RASGRF1: variants seen among roughly 807,000 people sequenced by gnomAD.
RASGRF1 encodes ras-specific guanine nucleotide-releasing factor 1.
In RASGRF1, 40 loss-of-function variants were observed where a neutral mutation model predicts 138.7. That is an observed-to-expected ratio of 0.29 (90% CI 0.22 to 0.38). The LOEUF is 0.38. Ranked by LOEUF, RASGRF1 falls within the 10% of genes least tolerant of loss-of-function variation. The pLI is 1.00. For synonymous variants in RASGRF1, 614 were observed against 663.2 expected (o/e 0.93, Z 1.14); for missense variants, 1,108 against 1,650.4 (o/e 0.67, Z 5.69).
In RASGRF1 at chr15:79,050,127, T is replaced by C. The variant is rs2057410609; in HGVS notation, c.532-539A>G. On this transcript the variant is annotated intron_variant, in intron 3 of 26. Transcript: ENST00000558480. The surrounding 1 kb of genome is among the most constrained non-coding windows in gnomAD (Gnocchi z 4.1). Reference sequence around the variant, plus strand: ...ACTCTTCATTTTGTAAAACTGAAACTCTGTACTCATCAAACAATAACTCTC... The same window carrying C: ...ACTCTTCATTTTGTAAAACTGAAACCCTGTACTCATCAAACAATAACTCTC... Among the ~76,000 whole-genome samples, 1 of 152,208 alleles carries C rather than the reference T, an allele frequency of 6.6e-6. No individual in the cohort carries two copies. Among genetic ancestry groups the C allele is most frequent in the African/African-American group, 2.4e-5 (1 of 41,436 alleles).
intron 26 of RASGRF1, among the ~76,000 whole-genome samples, chr15:78,969,835 C>G (rs187401491): frequency 7.2e-4 from 109 of 152,190 alleles, no homozygotes; most frequent in African/African-American, 2.4e-3. Flanking sequence ...AACACAAGCT[C>G]GTGAGGGCCA....
chr15:79,024,080 CCACACATACAT>C (rs1188830342), intron 10 of RASGRF1, among the ~76,000 whole-genome samples: 4 of 150,504 alleles, frequency 2.7e-5, no homozygotes, highest in African/African-American at 2.5e-5. Flanking sequence ...CATATACACA[CCACACATACAT>C]CACACATACA....
At chr15:79,082,353 G>C (rs1595978027) in intron 1 of RASGRF1, among the ~76,000 whole-genome samples, 1 of 152,318 alleles carries the variant, frequency 6.6e-6, no homozygotes, top group East Asian at 1.9e-4. Flanking sequence ...TGAGACATCT[G>C]TCACACTCCT....
intron 22 of RASGRF1, among the ~76,000 whole-genome samples, chr15:78,988,982 C>A (rs1287347676): frequency 6.6e-6 from 1 of 152,054 alleles, no homozygotes; most frequent in Admixed American, 6.6e-5. Context: ...GTGAGGACAG[C>A]CCCCATCTTT....
At chr15:79,053,509 T>C (rs2057460718) in intron 3 of RASGRF1, among the ~76,000 whole-genome samples, 1 of 152,204 alleles carries the variant, frequency 6.6e-6, no homozygotes, top group Admixed American at 6.5e-5. Flanking sequence ...AAACTGAGCA[T>C]TCTAGAGGAG....
intron 4 of RASGRF1, 84 bp downstream of exon 4, chr15:79,049,412 G>T (rs1282764006): frequency 3.1e-6 from 4 of 1,275,394 alleles, no homozygotes; most frequent in Non-Finnish European, 4.5e-6. Context: ...GGACAGTGGG[G>T]CTGTGGTGTG....
intron 1 of RASGRF1, among the ~76,000 whole-genome samples, chr15:79,070,639 TG>T (rs2141077006): frequency 6.6e-6 from 1 of 152,326 alleles, no homozygotes; most frequent in African/African-American, 2.4e-5. Context: ...ATCTACAAAA[TG>T]GGCATAAGAA....
intron 5 of RASGRF1, among the ~76,000 whole-genome samples, chr15:79,036,914 C>G (rs1402377456): frequency 1.8e-4 from 27 of 152,054 alleles, no homozygotes; most frequent in Non-Finnish European, 4.4e-5. Flanking sequence ...TGAGAAAGAC[C>G]GAAACCAATG....
chr15:79,088,949 T>A (rs1431591183), intron 1 of RASGRF1, among the ~76,000 whole-genome samples: 2 of 152,168 alleles, frequency 1.3e-5, no homozygotes, highest in Non-Finnish European at 2.9e-5. Context: ...AACTATCTCC[T>A]AACACCCATT....
rs577564095 is a variant in RASGRF1, at chr15:78,976,831, A to G, written c.3495-3411T>C. Reference sequence around the variant, plus strand: ...TCCAGTCTTGCCCTTGGCAGGGCCTATCAAGCAGAGCTGATACGGGGGTGG... The same window carrying G: ...TCCAGTCTTGCCCTTGGCAGGGCCTGTCAAGCAGAGCTGATACGGGGGTGG... On this transcript the variant is annotated intron_variant, in intron 24 of 26. Transcript: ENST00000558480. Among the ~76,000 whole-genome samples the G allele has an allele frequency of 3.3e-5, 5 of 152,344 alleles. No homozygotes were observed. In the East Asian group the frequency reaches 7.7e-4, roughly 24 times the overall value.
chr15:79,030,657 C>T (rs925665022), intron 8 of RASGRF1, among the ~76,000 whole-genome samples: 8 of 152,324 alleles, frequency 5.3e-5, no homozygotes, highest in East Asian at 1.9e-4. Context: ...ATGGCACCTC[C>T]GCCCTCTGGT....
chr15:78,971,706 T>C (rs1231021482), intron 26 of RASGRF1, among the ~76,000 whole-genome samples, 160 bp downstream of exon 26: 2 of 152,012 alleles, frequency 1.3e-5, no homozygotes, highest in Non-Finnish European at 2.9e-5. Flanking sequence ...TTTGAAGAAA[T>C]AGGGACTAGG....
At chr15:79,068,800 C>G (rs2057715898) in intron 1 of RASGRF1, among the ~76,000 whole-genome samples, 1 of 152,072 alleles carries the variant, frequency 6.6e-6, no homozygotes, top group African/African-American at 2.4e-5. Context: ...CCCCTCTTCT[C>G]TGTGAGGGTC....
chr15:79,003,030 T>C lies in RASGRF1; in HGVS notation c.2449+772A>G, dbSNP rs2056572154. On this transcript the variant is annotated intron_variant, in intron 15 of 26. Coordinates refer to ENST00000558480, the MANE Select transcript of RASGRF1 (RefSeq NM_001145648.3). ...TTCGGATCTAAATCAGAACCAGACCTGACACTTTTAGAACAGTCAGGAGAA... is the reference window on the plus strand; with the variant it reads ...TTCGGATCTAAATCAGAACCAGACCCGACACTTTTAGAACAGTCAGGAGAA... Among the ~76,000 whole-genome samples the C allele has an allele frequency of 3.3e-5, 5 of 152,328 alleles. No homozygotes were observed. The South Asian group carries it at 1.0e-3, about 32-fold the overall frequency.
At chr15:79,015,552 A>C in intron 12 of RASGRF1, 143 bp from the exon 13 acceptor site, 1 of 729,214 alleles carries the variant, frequency 1.4e-6, no homozygotes. Flanking sequence ...TGGCAAAGGC[A>C]GGGTCAGCGT....
chr15:79,031,596 A>AAG, intron 7 of RASGRF1, 87 bp from the exon 8 acceptor site: 1 of 442,586 alleles, frequency 2.3e-6, no homozygotes, highest in Non-Finnish European at 4.2e-6. Flanking sequence ...GGGAGTGAGC[A>AAG]AGAGAGAGAG....
At chr15:79,031,306 C>G in intron 8 of RASGRF1, 94 bp downstream of exon 8, 1 of 971,892 alleles carries the variant, frequency 1.0e-6, no homozygotes, top group Non-Finnish European at 1.5e-6. Context: ...CATCTGAACT[C>G]AAGCTTTGTC....
In RASGRF1 at chr15:79,072,267, C is replaced by CTTTTTTTTTTT. The variant is rs758415767; in HGVS notation, c.277-7752_277-7742dup. Among the ~76,000 whole-genome samples, 25 of 61,572 alleles carry CTTTTTTTTTTT rather than the reference C, an allele frequency of 4.1e-4. 2 individuals are homozygous for CTTTTTTTTTTT. The highest frequency in any genetic ancestry group is 4.3e-4 in the Non-Finnish European group (14 of 32,848). The allele number at this position is 61,572 out of a possible 152,430, so 40.4% of individuals were successfully genotyped here. ...TTTCTGGGAGTTCTTGATAAACAATCTTTTTTTTTTTTTTTTTTTTTTTTT... is the reference window on the plus strand; with the variant it reads ...TTTCTGGGAGTTCTTGATAAACAATCTTTTTTTTTTTTTTTTTTTTTTTTTTTTTTTTTTTT... On this transcript the variant is annotated intron_variant, in intron 1 of 26. Coordinates refer to ENST00000558480, the MANE Select transcript of RASGRF1 (RefSeq NM_001145648.3).
In RASGRF1 at chr15:79,078,532, C is replaced by T. The variant is rs563407040; in HGVS notation, c.276+11691G>A. Among the ~76,000 whole-genome samples the T allele has an allele frequency of 7.9e-5, 12 of 152,290 alleles. No individual in the cohort carries two copies. The South Asian group carries it at 2.1e-3, about 26-fold the overall frequency. ...TACTTCCATTGAGCAGGAAGGCAGT[C>T]CACGGAGCAGGAAGTATCAGCTTCT... On this transcript the variant is annotated intron_variant, in intron 1 of 26. Transcript: ENST00000558480.
Sources: allele counts gnomAD v4.1 joint callset (sites outside exome capture counted in the v4.1 genomes callset), GRCh38; gene constraint gnomAD v4.1.1; non-coding constraint Gnocchi (gnomAD v3.1); transcripts MANE v1.5; gene names NCBI Gene and HGNC (gene_info 2026-07-23, HGNC 2026-07-21).